CHRM2: variants seen among roughly 807,000 people sequenced by gnomAD.
CHRM2 encodes muscarinic acetylcholine receptor M2.
CHRM2 carries 8 observed loss-of-function variants against 25.0 expected under a neutral mutation model. That is an observed-to-expected ratio of 0.32 (90% CI 0.19 to 0.58). CHRM2 has a LOEUF of 0.58. Among genes scored for constraint, CHRM2 ranks in the 20% least tolerant of loss-of-function variants. The pLI is 0.88. For synonymous variants in CHRM2, 202 were observed against 205.7 expected (o/e 0.98, Z 0.15); for missense variants, 440 against 567.1 (o/e 0.78, Z 2.28).
intron 2 of CHRM2, among the ~76,000 whole-genome samples, chr7:136,942,543 C>G (rs1458430079): frequency 6.6e-6 from 1 of 152,136 alleles, no homozygotes; most frequent in African/African-American, 2.4e-5. Context: ...GTGCTGTTCT[C>G]TCATTCTTTC....
chr7:136,939,929 G>A (rs1459045631), intron 2 of CHRM2, among the ~76,000 whole-genome samples: 1 of 152,176 alleles, frequency 6.6e-6, no homozygotes, highest in Non-Finnish European at 1.5e-5. Context: ...TTTAGTCTAG[G>A]AACAGCTTAC....
At chr7:136,930,243 G>A (rs62485247) in intron 2 of CHRM2, among the ~76,000 whole-genome samples, 36,270 of 151,846 alleles carry the variant, frequency 0.24, 5,693 homozygotes, top group Non-Finnish European at 0.35. Flanking sequence ...GACCAGCCTG[G>A]CCTACATGGC....
At chr7:136,958,797 G>A (rs945376303) in intron 2 of CHRM2, among the ~76,000 whole-genome samples, 1 of 152,126 alleles carries the variant, frequency 6.6e-6, no homozygotes, top group African/African-American at 2.4e-5. Flanking sequence ...AGGAAGTGCT[G>A]GAGATTAAAT....
chr7:136,967,391 A>G (rs324588), intron 2 of CHRM2, among the ~76,000 whole-genome samples: 130,071 of 151,922 alleles, frequency 0.86, 56,502 homozygotes, highest in Middle Eastern at 0.97. Context: ...TAGGGGAGAG[A>G]AAATGAATGT....
chr7:136,876,520 G>A (rs1435093483), intron 2 of CHRM2, among the ~76,000 whole-genome samples: 1 of 151,916 alleles, frequency 6.6e-6, no homozygotes, highest in Non-Finnish European at 1.5e-5. Flanking sequence ...GTGTGCAACC[G>A]CATAGATACC....
In CHRM2 at chr7:136,924,026, A is replaced by G. The variant is rs149469175; in HGVS notation, c.-125+54608A>G. On this transcript the variant is annotated intron_variant, in intron 2 of 3. Coordinates refer to ENST00000680005, the MANE Select transcript of CHRM2 (RefSeq NM_001006630.2). ...AGACTCTTCCTCTAAAAATAACAATAAGTAAATAAAATAAAATTATTCTTA... is the reference window on the plus strand; with the variant it reads ...AGACTCTTCCTCTAAAAATAACAATGAGTAAATAAAATAAAATTATTCTTA... Among the ~76,000 whole-genome samples the G allele has an allele frequency of 1.4e-3, 208 of 152,306 alleles. 2 individuals are homozygous for G. In the East Asian group the frequency reaches 0.016, roughly 12 times the overall value.
chr7:136,974,486 C>A (rs371942188), intron 2 of CHRM2, among the ~76,000 whole-genome samples: 11 of 152,168 alleles, frequency 7.2e-5, no homozygotes, highest in African/African-American at 9.6e-5. Flanking sequence ...GGGAAGAGGG[C>A]ATTTTAGCAA....
At chr7:136,904,509 T>C (rs1797426663) in intron 2 of CHRM2, among the ~76,000 whole-genome samples, 1 of 151,910 alleles carries the variant, frequency 6.6e-6, no homozygotes, top group Non-Finnish European at 1.5e-5. Context: ...CAATATTAAA[T>C]GTTTTTCTCA....
At chr7:136,892,066 G>A (rs1796712368) in intron 2 of CHRM2, among the ~76,000 whole-genome samples, 1 of 152,220 alleles carries the variant, frequency 6.6e-6, no homozygotes, top group Non-Finnish European at 1.5e-5. Context: ...ATTAACACTG[G>A]TTGAGTGGAT....
intron 2 of CHRM2, among the ~76,000 whole-genome samples, chr7:136,950,144 CATAA>C (rs1800321245): frequency 6.6e-6 from 1 of 152,082 alleles, no homozygotes; most frequent in Admixed American, 6.5e-5. Flanking sequence ...TTTTATTGGT[CATAA>C]ATATTTTCTC....
chr7:136,874,351 TTC>T (rs1795962238), intron 2 of CHRM2, among the ~76,000 whole-genome samples: 1 of 152,164 alleles, frequency 6.6e-6, no homozygotes, highest in Non-Finnish European at 1.5e-5. Context: ...CTTTATTTAT[TTC>T]TCTTTTTTTT....
chr7:136,888,466 C>T (rs1796557640), intron 2 of CHRM2, among the ~76,000 whole-genome samples: 1 of 152,074 alleles, frequency 6.6e-6, no homozygotes, highest in South Asian at 2.1e-4. Context: ...AGCAGGTTTT[C>T]AGAAAGGAAT....
In CHRM2 at chr7:137,015,729, A is replaced by G; in HGVS notation, c.864A>G (p.Ser288=). The change falls in exon 4 of 4, where the codon TCA becomes TCG. Residue 288 remains serine, a synonymous_variant. Coordinates refer to ENST00000680005, the MANE Select transcript of CHRM2 (RefSeq NM_001006630.2). This position sits in a 1 kb window ranked among gnomAD's most constrained non-coding sequence, Gnocchi z 5.1. The part of the protein sequence containing the change: ...EEKESSNDST[S]VSAVASNMRD... ...AGGAGAGCTCCAATGACTCCACCTCAGTCAGTGCTGTTGCCTCTAATATGA... is the reference window on the plus strand; with the variant it reads ...AGGAGAGCTCCAATGACTCCACCTCGGTCAGTGCTGTTGCCTCTAATATGA... The G allele has an allele frequency of 6.2e-7, 1 of 1,613,368 alleles. No homozygotes were observed. Among genetic ancestry groups the G allele is most frequent in the Non-Finnish European group, 8.5e-7 (1 of 1,179,566 alleles).
intron 2 of CHRM2, among the ~76,000 whole-genome samples, chr7:136,970,923 C>G (rs1801725199): frequency 6.6e-6 from 1 of 152,112 alleles, no homozygotes; most frequent in Non-Finnish European, 1.5e-5. Context: ...TGGGGTGAAT[C>G]AATGTCCTTT....
At chr7:136,948,082 G>A (rs2130843761) in intron 2 of CHRM2, among the ~76,000 whole-genome samples, 1 of 152,268 alleles carries the variant, frequency 6.6e-6, no homozygotes, top group Non-Finnish European at 1.5e-5. Flanking sequence ...ACAGTTAACT[G>A]TGCTGCTGGA....
chr7:136,972,661 A>C (rs533510668), intron 2 of CHRM2, among the ~76,000 whole-genome samples: 1 of 152,354 alleles, frequency 6.6e-6, no homozygotes, highest in East Asian at 1.9e-4. Flanking sequence ...TTGTTGATGA[A>C]GGTGGTAGTG....
intron 2 of CHRM2, among the ~76,000 whole-genome samples, chr7:136,875,638 A>T (rs1190070816): frequency 2.0e-5 from 3 of 152,164 alleles, no homozygotes; most frequent in Non-Finnish European, 4.4e-5. Flanking sequence ...TCTAAAATGC[A>T]AATCTGAACA....
intron 2 of CHRM2, among the ~76,000 whole-genome samples, chr7:136,909,063 G>A (rs905328242): frequency 6.6e-6 from 1 of 151,824 alleles, no homozygotes; most frequent in Non-Finnish European, 1.5e-5. Context: ...GTTTTTGTGT[G>A]CTAGTTATGT....
intron 2 of CHRM2, among the ~76,000 whole-genome samples, chr7:136,930,927 A>AG (rs1554419299): frequency 7.2e-5 from 10 of 138,660 alleles, no homozygotes; most frequent in Admixed American, 1.4e-4. Flanking sequence ...AAAAAAAAAA[A>AG]GGATAGAAAG....
Sources: gnomAD v4.1 joint callset for allele counts (sites outside exome capture counted in the v4.1 genomes callset) on GRCh38, gnomAD v4.1.1 for gene constraint, Gnocchi (gnomAD v3.1) non-coding constraint, MANE v1.5 for transcripts, NCBI Gene and HGNC (gene_info 2026-07-23, HGNC 2026-07-21) for gene names.